Variants in DCDC1 observed in about 807,000 individuals in gnomAD.
The protein encoded by DCDC1 is doublecortin domain containing 1.
Under a neutral mutation model 178.3 loss-of-function variants are expected in DCDC1, and 200 were observed. The ratio of observed to expected loss-of-function variants is 1.12; its 90% CI spans 1.00 to 1.26. The LOEUF (loss-of-function observed/expected upper bound fraction) is 1.26. Ranked by LOEUF, DCDC1 falls within the 50% of genes most tolerant of loss-of-function variation. DCDC1 has a pLI of 0.00. For missense variants in DCDC1, 1,983 were observed against 1,749.2 expected (o/e 1.13, Z -2.38); for synonymous variants, 690 against 604.8 (o/e 1.14, Z -2.07).
intron 11 of DCDC1, among the ~76,000 whole-genome samples, chr11:31,126,791 T>G (rs550080196): frequency 6.6e-6 from 1 of 152,200 alleles, no homozygotes; most frequent in Non-Finnish European, 1.5e-5. Flanking sequence ...ACATGGAATA[T>G]CTGCTATGAA....
intron 18 of DCDC1, among the ~76,000 whole-genome samples, chr11:31,071,749 C>T (rs1376017991): frequency 6.6e-6 from 1 of 152,142 alleles, no homozygotes; most frequent in Non-Finnish European, 1.5e-5. Flanking sequence ...ATAAGGGGCA[C>T]TTCAGCTTCT....
chr11:31,214,486 G>T (rs1438997776), intron 9 of DCDC1, among the ~76,000 whole-genome samples: 2 of 152,084 alleles, frequency 1.3e-5, no homozygotes, highest in Non-Finnish European at 2.9e-5. Flanking sequence ...AATTATCAGT[G>T]GGCCTGAGAT....
chr11:31,347,949 A>G (rs1440044963), intron 1 of DCDC1, among the ~76,000 whole-genome samples: 1 of 152,218 alleles, frequency 6.6e-6, no homozygotes, highest in Non-Finnish European at 1.5e-5. Flanking sequence ...AGAAGTGACA[A>G]GATCATAAAT....
chr11:31,097,553 A>C (rs1441794559), intron 15 of DCDC1, among the ~76,000 whole-genome samples: 2 of 152,208 alleles, frequency 1.3e-5, no homozygotes, highest in Non-Finnish European at 1.5e-5. Flanking sequence ...TCTATGCTCT[A>C]ACTTTATAGC....
At chr11:30,931,556 T>C (rs182237313) in intron 22 of DCDC1, among the ~76,000 whole-genome samples, 1 of 152,292 alleles carries the variant, frequency 6.6e-6, no homozygotes, top group East Asian at 1.9e-4. Flanking sequence ...TACTCATTTC[T>C]AAACCATTAT....
intron 7 of DCDC1, among the ~76,000 whole-genome samples, chr11:31,283,995 C>T (rs187602708): frequency 1.7e-3 from 243 of 141,010 alleles, no homozygotes; most frequent in Non-Finnish European, 2.7e-3. Context: ...TCTCTCTCTA[C>T]TACGATCCAT....
At chr11:30,980,892 A>G (rs1950360773) in intron 20 of DCDC1, among the ~76,000 whole-genome samples, 1 of 152,138 alleles carries the variant, frequency 6.6e-6, no homozygotes, top group Non-Finnish European at 1.5e-5. Context: ...CTATATCAAA[A>G]AGACACCTGC....
At chr11:31,348,890 A>C (rs1189971115) in intron 1 of DCDC1, among the ~76,000 whole-genome samples, 5 of 152,218 alleles carry the variant, frequency 3.3e-5, no homozygotes, top group Non-Finnish European at 7.3e-5. Context: ...TGCATTGCCA[A>C]ATTATTCTTT....
At chr11:31,088,530 T>C (rs1389427416) in intron 17 of DCDC1, among the ~76,000 whole-genome samples, 2 of 152,220 alleles carry the variant, frequency 1.3e-5, no homozygotes, top group African/African-American at 4.8e-5. Context: ...TTTCATTTGA[T>C]ATCACATCAT....
intron 9 of DCDC1, among the ~76,000 whole-genome samples, chr11:31,158,315 C>A (rs1965951848): frequency 6.6e-6 from 1 of 151,442 alleles, no homozygotes. Flanking sequence ...GACGGGGTTT[C>A]ACCATGTTAG....
chr11:30,946,172 A>G (rs926971146), intron 21 of DCDC1, among the ~76,000 whole-genome samples: 3 of 152,152 alleles, frequency 2.0e-5, no homozygotes, highest in African/African-American at 4.8e-5. Flanking sequence ...AGAGGCCTCT[A>G]AGGATATTCC....
At chr11:31,324,160 T>C (rs541017583) in intron 3 of DCDC1, among the ~76,000 whole-genome samples, 1 of 152,196 alleles carries the variant, frequency 6.6e-6, no homozygotes, top group Non-Finnish European at 1.5e-5. Flanking sequence ...AAACTACATA[T>C]ATACTACATA....
At position 31,367,916 on chromosome 11, in the gene DCDC1, T is replaced by C. The variant is rs148688943; in HGVS notation, c.-125+1781A>G. 1.4e-4 allele frequency among the ~76,000 whole-genome samples: 22 copies of C among 152,218 alleles called. No individual in the cohort carries two copies. In the East Asian group the frequency reaches 4.2e-3, roughly 29 times the overall value. ...CAACTGTTCTCATTCAGTAAGCCAATGGCAAGTAAAGAAAAAAACAAGGTT... is the reference window on the plus strand; with the variant it reads ...CAACTGTTCTCATTCAGTAAGCCAACGGCAAGTAAAGAAAAAAACAAGGTT... On this transcript the variant is annotated intron_variant, in intron 1 of 38. Transcript: ENST00000684477.
At chr11:31,306,434 A>G (rs1948465008) in intron 4 of DCDC1, 46 bp from the exon 5 acceptor site, 2 of 1,529,888 alleles carry the variant, frequency 1.3e-6, no homozygotes, top group East Asian at 4.7e-5. Flanking sequence ...CTAATTAGTG[A>G]AAGCTTTTAA....
intron 36 of DCDC1, 35 bp from the exon 37 acceptor site, chr11:30,881,343 G>A (rs1414160632): frequency 6.2e-7 from 1 of 1,607,454 alleles, no homozygotes; most frequent in Non-Finnish European, 8.5e-7. Context: ...TTTGAATACG[G>A]AATGGCACAA....
rs535408797 is a variant in DCDC1 at position 30,882,647 on chromosome 11, G to A, written c.5083-1339C>T. ...GAGGGAGGATTCTGACAGCTCCCAAGTAGATGTCTAGGGTCACCAAAGAGA... is the reference window on the plus strand; with the variant it reads ...GAGGGAGGATTCTGACAGCTCCCAAATAGATGTCTAGGGTCACCAAAGAGA... On this transcript the variant is annotated intron_variant, in intron 36 of 38. Transcript: ENST00000684477. 5.3e-5 allele frequency: 8 copies of A among 152,162 alleles called. No homozygotes were observed. The South Asian group carries it at 1.7e-3, about 32-fold the overall frequency. The allele number at this position is 152,162 out of a possible 1,614,324, so 9.4% of individuals were successfully genotyped here. A position where few individuals can be genotyped will look rare whatever the true frequency, so the allele number is the denominator to read the frequency against.
rs751612779 is a variant in DCDC1 at position 30,905,023 on chromosome 11, C to A, written c.4246G>T (p.Ala1416Ser). The A allele has an allele frequency of 2.5e-6, 4 of 1,613,840 alleles. No individual in the cohort carries two copies. The highest frequency in any genetic ancestry group is 2.5e-6 in the Non-Finnish European group (3 of 1,179,774). ...ATHQKAVKII[A>S]YKNGDGYRNG... ...CGATACCCATCCCCATTTTTGTATG[C>A]AATTATTTTCACTGCCTTCTGGTGT... Residue 1416 changes from alanine (A) to serine (S), a missense_variant, in exon 31 of 39, where the codon GCA becomes TCA. Ala to Ser is a moderately conservative substitution (Grantham distance 99, BLOSUM62 1). Transcript: ENST00000684477.
chr11:30,935,970 T>C (rs1367019731), intron 21 of DCDC1, among the ~76,000 whole-genome samples: 2 of 152,202 alleles, frequency 1.3e-5, no homozygotes, highest in African/African-American at 4.8e-5. Context: ...GACTGGAGTA[T>C]AGTGAGTCCA....
Position 30,864,866 on chromosome 11 carries a change from C to T in DCDC1, c.*507G>A. On this transcript the variant is annotated 3_prime_UTR_variant, in exon 39 of 39. Transcript: ENST00000684477. ...ATGCTCTCGATTATGGTATGTCATACTATGAATTTATGGATATATTGTCTC... is the reference window on the plus strand; with the variant it reads ...ATGCTCTCGATTATGGTATGTCATATTATGAATTTATGGATATATTGTCTC... 6.6e-6 allele frequency: 1 copy of T among 152,132 alleles called. No individual in the cohort carries two copies. The highest frequency in any genetic ancestry group is 1.9e-4 in the East Asian group (1 of 5,200). 9.4% of individuals were successfully genotyped at this position (152,132 alleles called of 1,614,324 possible). A position where few individuals can be genotyped will look rare whatever the true frequency, so the allele number is the denominator to read the frequency against.
Sources: gnomAD v4.1 joint callset for allele counts (sites outside exome capture counted in the v4.1 genomes callset) on GRCh38, gnomAD v4.1.1 for gene constraint, MANE v1.5 for transcripts, NCBI Gene and HGNC (gene_info 2026-07-23, HGNC 2026-07-21) for gene names.